CHRM2: variants seen among roughly 807,000 people sequenced by gnomAD.
The protein encoded by CHRM2 is muscarinic acetylcholine receptor M2.
In CHRM2, 8 loss-of-function variants were observed where a neutral mutation model predicts 25.0. That is an observed-to-expected ratio of 0.32 (90% CI 0.19 to 0.58). CHRM2 has a LOEUF of 0.58. CHRM2 is among the 20% of genes least tolerant of loss of function. The pLI is 0.88. For missense variants in CHRM2, 440 were observed against 567.1 expected (o/e 0.78, Z 2.28); for synonymous variants, 202 against 205.7 (o/e 0.98, Z 0.15).
At chr7:137,000,595 A>AGGAAGGAAGG (rs1471288224) in intron 3 of CHRM2, among the ~76,000 whole-genome samples, 3 of 58,142 alleles carry the variant, frequency 5.2e-5, no homozygotes, top group Admixed American at 1.6e-4. Flanking sequence ...AAGGAAGGGA[A>AGGAAGGAAGG]AAAAAGCAAG....
chr7:136,988,147 C>A (rs887527030), intron 2 of CHRM2, among the ~76,000 whole-genome samples: 4 of 151,262 alleles, frequency 2.6e-5, no homozygotes, highest in African/African-American at 9.7e-5. Context: ...AGGGAAGGTT[C>A]TTTAATAGAT....
chr7:137,000,787 C>T (rs778739245), intron 3 of CHRM2, among the ~76,000 whole-genome samples: 1 of 151,644 alleles, frequency 6.6e-6, no homozygotes, highest in Non-Finnish European at 1.5e-5. Flanking sequence ...CCAAAAACAC[C>T]TGTCACGATT....
At chr7:137,004,077 G>A (rs1029410192) in intron 3 of CHRM2, among the ~76,000 whole-genome samples, 8 of 152,050 alleles carry the variant, frequency 5.3e-5, no homozygotes, top group Non-Finnish European at 1.2e-4. Context: ...TCTGAGAATG[G>A]ACTAATACAA....
At chr7:136,889,698 A>G (rs1461096532) in intron 2 of CHRM2, among the ~76,000 whole-genome samples, 1 of 152,244 alleles carries the variant, frequency 6.6e-6, no homozygotes, top group Non-Finnish European at 1.5e-5. Context: ...CATAAATGCT[A>G]TACATATGCG....
At chr7:136,941,902 C>T (rs1799794783) in intron 2 of CHRM2, among the ~76,000 whole-genome samples, 1 of 152,164 alleles carries the variant, frequency 6.6e-6, no homozygotes, top group Non-Finnish European at 1.5e-5. Context: ...AACACCTTGG[C>T]TCTGTCCAGT....
At chr7:136,906,111 G>GTGTGTGTATATATACACACGTTT (rs1425658417) in intron 2 of CHRM2, among the ~76,000 whole-genome samples, 1 of 149,854 alleles carries the variant, frequency 6.7e-6, no homozygotes, top group Non-Finnish European at 1.5e-5. Flanking sequence ...ATGTATATAT[G>GTGTGTGTATATATACACACGTTT]TGTGTGTATA....
chr7:136,919,249 A>G (rs1798291635), intron 2 of CHRM2, among the ~76,000 whole-genome samples: 3 of 152,158 alleles, frequency 2.0e-5, no homozygotes, highest in South Asian at 4.1e-4. Flanking sequence ...ATGCACTTTT[A>G]AATTTAAAAT....
intron 2 of CHRM2, among the ~76,000 whole-genome samples, chr7:136,900,938 A>C (rs1398999134): frequency 2.6e-5 from 4 of 152,052 alleles, no homozygotes; most frequent in Non-Finnish European, 5.9e-5. Context: ...ACACACCTCT[A>C]TTCATAACAG....
At chr7:136,933,964 T>G (rs185716564) in intron 2 of CHRM2, among the ~76,000 whole-genome samples, 1 of 152,226 alleles carries the variant, frequency 6.6e-6, no homozygotes, top group Admixed American at 6.5e-5. Context: ...TCTGTTTTTG[T>G]TTGGTTTTGT....
rs756256766 is a variant in CHRM2 at position 137,016,250 on chromosome 7, T to C, written c.1385T>C (p.Ile462Thr). Residue 462 changes from isoleucine (I) to threonine (T), a missense_variant, in exon 4 of 4, where the codon ATA (isoleucine) becomes ACA (threonine). Around this residue, in one of 5 missense-constraint regions of CHRM2, gnomAD observed 65 missense variants for 108.9 expected, o/e 0.60. Transcript: ENST00000680005. ...CTTCTCATGTGTCATTATAAGAACA[T>C]AGGCGCTACAAGGTAAAATATCTTT... is the stretch of plus-strand genomic sequence containing the variant. ...KHLLMCHYKN[I>T]GATR The C allele has an allele frequency of 1.2e-6, 2 of 1,612,708 alleles. No homozygotes were observed. Among genetic ancestry groups the C allele is most frequent in the Admixed American group, 1.7e-5 (1 of 59,918 alleles).
At chr7:136,922,204 T>A (rs1160797967) in intron 2 of CHRM2, among the ~76,000 whole-genome samples, 1 of 152,202 alleles carries the variant, frequency 6.6e-6, no homozygotes, top group Non-Finnish European at 1.5e-5. Flanking sequence ...GTGTCATCCT[T>A]GACTCTGCTT....
At chr7:136,884,513 CTTTG>C (rs1796386223) in intron 2 of CHRM2, among the ~76,000 whole-genome samples, 6 of 140,126 alleles carry the variant, frequency 4.3e-5, no homozygotes, top group African/African-American at 1.3e-4. Flanking sequence ...GTCTTTTTTG[CTTTG>C]TTTTTTTATC....
chr7:136,949,459 T>TAAAAAAAAAAAA lies in CHRM2; in HGVS notation c.-124-42720_-124-42709dup, dbSNP rs386411435. Among the ~76,000 whole-genome samples, 47 of 120,824 alleles carry TAAAAAAAAAAAA rather than the reference T, an allele frequency of 3.9e-4. 2 individuals are homozygous for TAAAAAAAAAAAA. Among genetic ancestry groups the TAAAAAAAAAAAA allele is most frequent in the African/African-American group, 1.5e-3 (45 of 30,302 alleles). The allele number at this position is 120,824 out of a possible 152,430, so 79.3% of individuals were successfully genotyped here. ...TAACAAGACCCTGTCTCTGCAAAACTAAAAAAAAAAAAAAAAAAATCAGCC... is the reference window on the plus strand; with the variant it reads ...TAACAAGACCCTGTCTCTGCAAAACTAAAAAAAAAAAAAAAAAAAAAAAAAAAAAAATCAGCC... On this transcript the variant is annotated intron_variant, in intron 2 of 3. Coordinates refer to ENST00000680005, the MANE Select transcript of CHRM2 (RefSeq NM_001006630.2).
intron 3 of CHRM2, among the ~76,000 whole-genome samples, chr7:136,996,739 A>G (rs1375687843): frequency 2.0e-5 from 3 of 152,186 alleles, no homozygotes; most frequent in African/African-American, 7.2e-5. Context: ...ACCCATAAAA[A>G]TGATGCATTA....
intron 3 of CHRM2, among the ~76,000 whole-genome samples, chr7:137,009,109 G>C (rs1198302923): frequency 6.6e-6 from 1 of 152,046 alleles, no homozygotes; most frequent in Admixed American, 6.6e-5. Context: ...TTCATTATTA[G>C]CTTATTACAT....
At chr7:136,947,622 G>A (rs905794011) in intron 2 of CHRM2, among the ~76,000 whole-genome samples, 1 of 152,124 alleles carries the variant, frequency 6.6e-6, no homozygotes, top group African/African-American at 2.4e-5. Context: ...AATTCTTCCT[G>A]TCTTGGATTT....
chr7:136,924,344 A>T (rs1052604460), intron 2 of CHRM2, among the ~76,000 whole-genome samples: 2 of 149,246 alleles, frequency 1.3e-5, no homozygotes, highest in Non-Finnish European at 1.5e-5. Flanking sequence ...GTATATCTCC[A>T]AATGCTATCC....
intron 2 of CHRM2, among the ~76,000 whole-genome samples, chr7:136,921,766 TTTTCTTTC>T (rs565701193): frequency 6.8e-6 from 1 of 147,544 alleles, no homozygotes; most frequent in Non-Finnish European, 1.5e-5. Flanking sequence ...ATTCATGCAA[TTTTCTTTC>T]TTTCTTTCTT....
At chr7:136,902,212 T>TCCATCC (rs1398767340) in intron 2 of CHRM2, 3 of 150,232 alleles carry the variant, frequency 2.0e-5, no homozygotes, top group African/African-American at 4.9e-5. Context: ...TCGATCTATC[T>TCCATCC]ATCCATCCAT....
Sources: gnomAD v4.1 joint callset for allele counts (sites outside exome capture counted in the v4.1 genomes callset) on GRCh38, gnomAD v4.1.1 for gene constraint, gnomAD v4.1.1 regional missense constraint, MANE v1.5 for transcripts, NCBI Gene and HGNC (gene_info 2026-07-23, HGNC 2026-07-21) for gene names.